RIMS1: variants seen among roughly 807,000 people sequenced by gnomAD.
The protein encoded by RIMS1 is regulating synaptic membrane exocytosis 1, also known as regulating synaptic membrane exocytosis protein 1.
Under a neutral mutation model 214.1 loss-of-function variants are expected in RIMS1, and 83 were observed. That is an observed-to-expected ratio of 0.39 (90% CI 0.32 to 0.47). The LOEUF is 0.47. RIMS1 is among the 20% of genes least tolerant of loss of function. RIMS1 has a pLI of 0.99. For synonymous variants in RIMS1, 793 were observed against 786.8 expected (o/e 1.01, Z -0.13); for missense variants, 2,050 against 2,161.8 (o/e 0.95, Z 1.03).
At chr6:71,995,778 G>A (rs765363450) in intron 2 of RIMS1, among the ~76,000 whole-genome samples, 6 of 152,004 alleles carry the variant, frequency 3.9e-5, no homozygotes, top group African/African-American at 1.2e-4. Flanking sequence ...GAGCTCTCTG[G>A]TATCTATCTA....
At chr6:72,321,788 T>A (rs769002663) in intron 28 of RIMS1, among the ~76,000 whole-genome samples, 4 of 152,108 alleles carry the variant, frequency 2.6e-5, no homozygotes, top group Non-Finnish European at 5.9e-5. Context: ...ATTTTTTTGT[T>A]CCCTCTACCT....
chr6:72,364,076 T>C (rs2097912170), intron 29 of RIMS1, among the ~76,000 whole-genome samples: 1 of 152,200 alleles, frequency 6.6e-6, no homozygotes. Flanking sequence ...TCTGGGCCTT[T>C]CCTTTTGCCT....
chr6:71,891,050 C>T (rs538125951), intron 1 of RIMS1, among the ~76,000 whole-genome samples: 2 of 152,128 alleles, frequency 1.3e-5, no homozygotes, highest in African/African-American at 4.8e-5. Flanking sequence ...AATTTATAGT[C>T]TTTTCTCAGT....
At chr6:72,322,487 A>T (rs1050521191) in intron 28 of RIMS1, among the ~76,000 whole-genome samples, 4 of 152,280 alleles carry the variant, frequency 2.6e-5, no homozygotes, top group Middle Eastern at 3.4e-3. Context: ...ATAAGCAATA[A>T]TATTACATGG....
At chr6:71,938,560 T>C (rs907019194) in intron 1 of RIMS1, among the ~76,000 whole-genome samples, 2 of 150,524 alleles carry the variant, frequency 1.3e-5, no homozygotes, top group African/African-American at 2.4e-5. Flanking sequence ...GAGTGGCAGG[T>C]CAAGCCACAC....
intron 29 of RIMS1, among the ~76,000 whole-genome samples, chr6:72,356,755 C>T (rs867707816): frequency 4.0e-5 from 6 of 151,486 alleles, no homozygotes; most frequent in East Asian, 3.9e-4. Flanking sequence ...AGCAAAACTC[C>T]GTCTCAAAAA....
chr6:72,090,600 G>T (rs529902483), intron 2 of RIMS1, among the ~76,000 whole-genome samples: 1 of 151,970 alleles, frequency 6.6e-6, no homozygotes, highest in East Asian at 1.9e-4. Flanking sequence ...TCACTAAAAG[G>T]GGGACAATTG....
chr6:72,184,321 G>T (rs887241338), intron 6 of RIMS1, among the ~76,000 whole-genome samples: 4 of 152,176 alleles, frequency 2.6e-5, no homozygotes, highest in African/African-American at 9.7e-5. Context: ...AGCTGCAGTT[G>T]CCCACCATTT....
chr6:72,190,379 T>C (rs1268957636), intron 6 of RIMS1, among the ~76,000 whole-genome samples: 3 of 150,578 alleles, frequency 2.0e-5, no homozygotes, highest in African/African-American at 7.3e-5. Flanking sequence ...AGGAGAATCA[T>C]TTGAACCCGG....
intron 2 of RIMS1, among the ~76,000 whole-genome samples, chr6:72,045,748 A>G (rs1307885277): frequency 6.6e-6 from 1 of 151,800 alleles, no homozygotes; most frequent in Non-Finnish European, 1.5e-5. Flanking sequence ...TTTTACTACT[A>G]ATAGTAAATG....
intron 2 of RIMS1, among the ~76,000 whole-genome samples, chr6:72,060,258 T>TG (rs1827519486): frequency 1.3e-5 from 2 of 152,120 alleles, no homozygotes; most frequent in African/African-American, 4.8e-5. Flanking sequence ...CATGAACCAC[T>TG]GCGCCCAGCC....
At chr6:72,400,076 T>C (rs1012303088) in intron 33 of RIMS1, among the ~76,000 whole-genome samples, 2 of 152,188 alleles carry the variant, frequency 1.3e-5, no homozygotes, top group Admixed American at 1.3e-4. Context: ...ATACATTCCA[T>C]GGTATACTGA....
At position 72,401,315 on chromosome 6, in the gene RIMS1, AGT is replaced by A. The variant is rs2098834253; in HGVS notation, c.*602_*603del. On this transcript the variant is annotated 3_prime_UTR_variant, in exon 34 of 34. Transcript: ENST00000521978. ...AAGCACCAAAAAAAAGGGCTGAAGTAGTCTCTGTAGCATCTCCCCAAAGTGTT... is the reference window on the plus strand; with the variant it reads ...AAGCACCAAAAAAAAGGGCTGAAGTACTCTGTAGCATCTCCCCAAAGTGTT... The A allele has an allele frequency of 6.5e-6, 1 of 152,886 alleles. No individual in the cohort carries two copies. The highest frequency in any genetic ancestry group is 6.5e-5 in the Admixed American group (1 of 15,314). 9.5% of individuals were successfully genotyped at this position (152,886 alleles called of 1,614,324 possible). A position where few individuals can be genotyped will look rare whatever the true frequency, so the allele number is the denominator to read the frequency against.
chr6:72,178,451 C>T (rs1275403826), intron 4 of RIMS1, among the ~76,000 whole-genome samples: 7 of 152,054 alleles, frequency 4.6e-5, no homozygotes, highest in Non-Finnish European at 1.0e-4. Flanking sequence ...GTTAATGTTT[C>T]TACGATTTAT....
intron 10 of RIMS1, 52 bp downstream of exon 10, chr6:72,242,489 A>G (rs2067370255): frequency 2.9e-6 from 4 of 1,364,434 alleles, no homozygotes; most frequent in Non-Finnish European, 4.0e-6. Flanking sequence ...ATGTATTAGT[A>G]GGGTTTTAAA....
chr6:72,364,742 TTTAA>T (rs1173704651), intron 29 of RIMS1, among the ~76,000 whole-genome samples: 1 of 152,152 alleles, frequency 6.6e-6, no homozygotes, highest in Non-Finnish European at 1.5e-5. Flanking sequence ...AAATACGGTG[TTTAA>T]TTATCAGATT....
chr6:72,174,624 T>C (rs566977189), intron 4 of RIMS1, among the ~76,000 whole-genome samples: 1 of 152,312 alleles, frequency 6.6e-6, no homozygotes, highest in African/African-American at 2.4e-5. Flanking sequence ...ACTAGGTAAG[T>C]GATATTCCAA....
In RIMS1 at chr6:72,090,146, T is replaced by C. The variant is rs181438168; in HGVS notation, c.246-6803T>C. The stretch of plus-strand genomic sequence containing the variant: ...GTAACTAACCTGCACATTGTGCACA[T>C]GTACCCTAAAACTTAAAGTATAATA... On this transcript the variant is annotated intron_variant, in intron 2 of 33. Transcript: ENST00000521978. Among the ~76,000 whole-genome samples, 699 of 152,154 alleles carry C rather than the reference T, an allele frequency of 4.6e-3. 22 individuals are homozygous for C. Among genetic ancestry groups the C allele is most frequent in the Admixed American group, 0.034 (518 of 15,288 alleles).
chr6:71,995,725 G>C (rs1008276900), intron 2 of RIMS1, among the ~76,000 whole-genome samples: 1 of 152,048 alleles, frequency 6.6e-6, no homozygotes, highest in Non-Finnish European at 1.5e-5. Flanking sequence ...GTCCTCACAT[G>C]GCCTTCCCTT....
Sources: gnomAD v4.1 joint callset for allele counts (sites outside exome capture counted in the v4.1 genomes callset) on GRCh38, gnomAD v4.1.1 for gene constraint, MANE v1.5 for transcripts, NCBI Gene and HGNC (gene_info 2026-07-23, HGNC 2026-07-21) for gene names.